The following KAZN variants were observed in gnomAD, a reference collection of about 807,000 sequenced individuals.
KAZN encodes kazrin.
Under a neutral mutation model 87.4 loss-of-function variants are expected in KAZN, and 40 were observed. The ratio of observed to expected loss-of-function variants is 0.46; its 90% CI spans 0.36 to 0.60. KAZN has a LOEUF of 0.60. Ranked by LOEUF, KAZN falls within the 20% of genes least tolerant of loss-of-function variation. The probability of loss-of-function intolerance (pLI) is 0.00; values close to 1 mark genes in which losing one functional copy is unlikely to be tolerated. For missense variants in KAZN, 898 were observed against 1,073.9 expected (o/e 0.84, Z 2.29); for synonymous variants, 466 against 458.3 (o/e 1.02, Z -0.22).
At chr1:14,090,882 G>A (rs528472680) in intron 1 of KAZN, among the ~76,000 whole-genome samples, 20 of 152,226 alleles carry the variant, frequency 1.3e-4, no homozygotes, top group South Asian at 4.1e-4. Context: ...GGGAGGCCGC[G>A]GTGGGTGGAT....
chr1:14,115,579 C>T (rs543648052), intron 1 of KAZN, among the ~76,000 whole-genome samples: 34 of 117,230 alleles, frequency 2.9e-4, no homozygotes, highest in Middle Eastern at 5.6e-3. Flanking sequence ...CCATTAAAAC[C>T]TTTTACTTCC....
At chr1:15,104,563 A>C (rs1641228963) in intron 13 of KAZN, among the ~76,000 whole-genome samples, 1 of 152,212 alleles carries the variant, frequency 6.6e-6, no homozygotes, top group African/African-American at 2.4e-5. Context: ...TGGTTGGTCC[A>C]GGTGGGGCAA....
chr1:14,032,792 G>T (rs1371334929), intron 1 of KAZN, among the ~76,000 whole-genome samples: 1 of 152,146 alleles, frequency 6.6e-6, no homozygotes, highest in Non-Finnish European at 1.5e-5. Context: ...AAATCACTAT[G>T]ATCTTGGTAA....
chr1:14,508,062 C>G, intron 2 of KAZN, among the ~76,000 whole-genome samples: 2 of 152,192 alleles, frequency 1.3e-5, no homozygotes, highest in Middle Eastern at 6.8e-3. Flanking sequence ...CTTGTGACCC[C>G]CCAGTACCCT....
intron 1 of KAZN, among the ~76,000 whole-genome samples, chr1:14,698,721 C>T (rs1641757798): frequency 6.6e-6 from 1 of 152,242 alleles, no homozygotes; most frequent in South Asian, 2.1e-4. Context: ...AGCGCCAGCA[C>T]CAGCCCGTTT....
At chr1:15,060,369 C>G (rs1005117406) in intron 6 of KAZN, 67 bp downstream of exon 6, 27 of 1,557,034 alleles carry the variant, frequency 1.7e-5, no homozygotes, top group Non-Finnish European at 2.3e-5. Context: ...GCGGGGGTGG[C>G]GGGGTGAAGC....
Position 15,112,434 on chromosome 1 carries a change from G to A in KAZN, c.2056G>A (p.Gly686Ser), listed in dbSNP as rs574390704. Reference sequence around the variant, plus strand: ...AAATGGTCCTCTCTTCAGCTCCACAGGCATCCGGGAGGCTGAGCGTTTTGG... The same window carrying A: ...AAATGGTCCTCTCTTCAGCTCCACAAGCATCCGGGAGGCTGAGCGTTTTGG... ...SAVFHPANST[G>S]IREAERFGTP... The change falls in exon 14 of 15, where the codon GGC (glycine) becomes AGC (serine). Residue 686 changes from glycine (G) to serine (S), a missense_variant. Around this residue, in one of 3 missense-constraint regions of KAZN, gnomAD observed 521 missense variants for 689.4 expected, o/e 0.76. Coordinates refer to ENST00000376030, the MANE Select transcript of KAZN (RefSeq NM_201628.3). 1.3e-6 allele frequency: 2 copies of A among 1,595,264 alleles called. No individual in the cohort carries two copies. Among genetic ancestry groups the A allele is most frequent in the East Asian group, 4.5e-5 (2 of 44,092 alleles).
intron 1 of KAZN, among the ~76,000 whole-genome samples, chr1:14,848,723 C>T (rs115950946): frequency 0.012 from 1,762 of 152,304 alleles, 22 homozygotes; most frequent in Non-Finnish European, 0.018. Flanking sequence ...GTGATTAAAA[C>T]GTCGCCATCC....
At chr1:15,086,316 C>A (rs1640255305) in intron 8 of KAZN, among the ~76,000 whole-genome samples, 1 of 152,156 alleles carries the variant, frequency 6.6e-6, no homozygotes, top group Non-Finnish European at 1.5e-5. Context: ...AACAATTCGG[C>A]TTGCAGTGGA....
intron 1 of KAZN, among the ~76,000 whole-genome samples, chr1:14,121,761 G>A (rs534080699): frequency 1.3e-5 from 2 of 152,346 alleles, no homozygotes; most frequent in Admixed American, 6.5e-5. Flanking sequence ...TAACACACAA[G>A]CTAAGGGAGA....
intron 2 of KAZN, among the ~76,000 whole-genome samples, chr1:14,508,069 C>A (rs1670698688): frequency 6.6e-6 from 1 of 152,024 alleles, no homozygotes; most frequent in Non-Finnish European, 1.5e-5. Flanking sequence ...CCCCCCAGTA[C>A]CCTGCCTCCA....
At chr1:14,999,517 T>TCCCCCCCCCCCCCCCCCCCC (rs1557701638) in intron 2 of KAZN, among the ~76,000 whole-genome samples, 1 of 80,992 alleles carries the variant, frequency 1.2e-5, no homozygotes, top group African/African-American at 4.9e-5. Flanking sequence ...CGCCCCGCCA[T>TCCCCCCCCCCCCCCCCCCCC]CCAGACCTTG....
intron 2 of KAZN, among the ~76,000 whole-genome samples, chr1:14,328,389 G>A (rs1656593826): frequency 6.6e-6 from 1 of 151,598 alleles, no homozygotes; most frequent in Admixed American, 6.6e-5. Flanking sequence ...GCATATGTGT[G>A]TTGTACGCAT....
chr1:14,196,269 G>A (rs1215344989), intron 2 of KAZN, among the ~76,000 whole-genome samples: 2 of 152,148 alleles, frequency 1.3e-5, no homozygotes, highest in South Asian at 2.1e-4. Context: ...AAAAGGGGGA[G>A]CCTATGGGGG....
chr1:14,999,595 C>T (rs750858927), intron 2 of KAZN, among the ~76,000 whole-genome samples: 2 of 152,076 alleles, frequency 1.3e-5, no homozygotes, highest in South Asian at 2.1e-4. Context: ...GGAGCTGCCC[C>T]GATCCACTTG....
intron 2 of KAZN, among the ~76,000 whole-genome samples, chr1:14,538,736 G>A (rs1672643059): frequency 2.6e-5 from 4 of 152,310 alleles, no homozygotes; most frequent in African/African-American, 9.6e-5. Flanking sequence ...AAGGCTACAG[G>A]AAAGAAAAGT....
intron 2 of KAZN, among the ~76,000 whole-genome samples, chr1:14,573,374 C>T (rs1018945454): frequency 6.6e-6 from 1 of 152,162 alleles, no homozygotes; most frequent in Non-Finnish European, 1.5e-5. Context: ...AAAACCCGGG[C>T]ACGGTGGCTT....
chr1:14,890,684 C>T (rs1654608873), intron 1 of KAZN, among the ~76,000 whole-genome samples: 1 of 152,014 alleles, frequency 6.6e-6, no homozygotes, highest in South Asian at 2.1e-4. Context: ...CAGAATGGGA[C>T]CCAAAGATCT....
At chr1:14,483,567 G>T (rs1669192547) in intron 2 of KAZN, among the ~76,000 whole-genome samples, 1 of 152,220 alleles carries the variant, frequency 6.6e-6, no homozygotes, top group Admixed American at 6.5e-5. Context: ...GAGTGACCAT[G>T]CCAAGGGAAC....
Sources: allele counts gnomAD v4.1 joint callset (sites outside exome capture counted in the v4.1 genomes callset), GRCh38; gene constraint gnomAD v4.1.1; regional missense constraint gnomAD v4.1.1; transcripts MANE v1.5; gene names NCBI Gene and HGNC (gene_info 2026-07-23, HGNC 2026-07-21).